The following LRP1B variants were observed in gnomAD, a reference collection of about 807,000 sequenced individuals.
LRP1B encodes the protein low-density lipoprotein receptor-related protein 1B.
In LRP1B, 217 loss-of-function variants were observed where a neutral mutation model predicts 556.6. That is an observed-to-expected ratio of 0.39 (90% CI 0.35 to 0.44). The LOEUF is 0.44. Ranked by LOEUF, LRP1B falls within the 20% of genes least tolerant of loss-of-function variation. The pLI, the probability that LRP1B is intolerant of heterozygous loss-of-function variation, is 1.00. For missense variants in LRP1B, 5,053 were observed against 5,620.8 expected (o/e 0.90, Z 3.23); for synonymous variants, 2,047 against 1,865.8 (o/e 1.10, Z -2.50).
chr2:140,688,592 A>G (rs78962158), intron 41 of LRP1B, among the ~76,000 whole-genome samples: 5,768 of 152,256 alleles, frequency 0.038, 140 homozygotes, highest in Non-Finnish European at 0.056. Flanking sequence ...TCCCCTCCAT[A>G]TATGTTTGCA....
intron 2 of LRP1B, among the ~76,000 whole-genome samples, chr2:141,791,346 T>C (rs1481863927): frequency 1.3e-5 from 2 of 152,010 alleles, no homozygotes; most frequent in Non-Finnish European, 2.9e-5. Flanking sequence ...TTCCAACTTT[T>C]TCAGTGCTCT....
chr2:140,315,233 G>T (rs1000121394), intron 82 of LRP1B, 134 bp from the exon 83 acceptor site: 9 of 561,186 alleles, frequency 1.6e-5, no homozygotes, highest in Admixed American at 3.7e-5. Context: ...TACAAAAGAA[G>T]AAAAAATTAA....
At chr2:140,307,775 A>G (rs2105021282) in intron 83 of LRP1B, among the ~76,000 whole-genome samples, 1 of 151,888 alleles carries the variant, frequency 6.6e-6, no homozygotes, top group African/African-American at 2.4e-5. Flanking sequence ...TTCAGTGATA[A>G]TAAGTAATGT....
intron 32 of LRP1B, among the ~76,000 whole-genome samples, chr2:140,781,887 T>C (rs924802325): frequency 6.6e-6 from 1 of 152,218 alleles, no homozygotes; most frequent in African/African-American, 2.4e-5. Context: ...CTTTTCCTTA[T>C]CGTTTCATTT....
At chr2:141,986,773 A>G (rs930563520) in intron 1 of LRP1B, among the ~76,000 whole-genome samples, 2 of 152,000 alleles carry the variant, frequency 1.3e-5, no homozygotes, top group African/African-American at 2.4e-5. Flanking sequence ...TAGTTCTACA[A>G]AATTCTCCTG....
At chr2:140,580,241 A>C (rs1681707058) in intron 43 of LRP1B, among the ~76,000 whole-genome samples, 1 of 152,210 alleles carries the variant, frequency 6.6e-6, no homozygotes, top group African/African-American at 2.4e-5. Flanking sequence ...ACAGTTCATA[A>C]CAAAAAAGAC....
At chr2:140,398,001 T>A (rs1378862464) in intron 66 of LRP1B, among the ~76,000 whole-genome samples, 3 of 152,166 alleles carry the variant, frequency 2.0e-5, no homozygotes, top group Admixed American at 6.6e-5. Flanking sequence ...CTGATTGACA[T>A]CCTTGAAACT....
At chr2:140,491,949 A>G (rs1688718968) in intron 57 of LRP1B, among the ~76,000 whole-genome samples, 2 of 152,160 alleles carry the variant, frequency 1.3e-5, no homozygotes. Flanking sequence ...ACACTGGTGA[A>G]CTGGAGAGCA....
chr2:140,877,590 C>G (rs1381244545), intron 25 of LRP1B, among the ~76,000 whole-genome samples: 1 of 152,160 alleles, frequency 6.6e-6, no homozygotes, highest in Non-Finnish European at 1.5e-5. Context: ...TGCCTCCCAT[C>G]AGTTCAAAGT....
At chr2:141,964,791 C>A (rs1176323388) in intron 1 of LRP1B, among the ~76,000 whole-genome samples, 1 of 151,936 alleles carries the variant, frequency 6.6e-6, no homozygotes, top group Non-Finnish European at 1.5e-5. Flanking sequence ...AAGAAACTAC[C>A]ATCAGAGTGA....
At chr2:140,888,481 A>C (rs1017254178) in intron 23 of LRP1B, among the ~76,000 whole-genome samples, 1 of 151,382 alleles carries the variant, frequency 6.6e-6, no homozygotes. Flanking sequence ...CCTATGGCAG[A>C]CTTGATTTTA....
chr2:141,114,562 C>A (rs567395478), intron 7 of LRP1B, among the ~76,000 whole-genome samples: 2 of 152,254 alleles, frequency 1.3e-5, no homozygotes, highest in East Asian at 3.9e-4. Flanking sequence ...TCTCTTCTCT[C>A]CTCTGTCATA....
chr2:141,012,975 G>A (rs1697798692), intron 14 of LRP1B, among the ~76,000 whole-genome samples: 1 of 146,636 alleles, frequency 6.8e-6, no homozygotes, highest in South Asian at 2.2e-4. Flanking sequence ...ATGTGTAGAT[G>A]TCCTAATGAG....
At chr2:141,586,060 G>A in intron 2 of LRP1B, among the ~76,000 whole-genome samples, 1 of 152,132 alleles carries the variant, frequency 6.6e-6, no homozygotes, top group East Asian at 1.9e-4. Flanking sequence ...AACATAAAAT[G>A]CATCTTAGGA....
intron 1 of LRP1B, among the ~76,000 whole-genome samples, chr2:141,980,651 C>T (rs1702018026): frequency 6.6e-6 from 1 of 152,108 alleles, no homozygotes; most frequent in Admixed American, 6.6e-5. Context: ...ATCAATAGGA[C>T]AGCACTATCA....
At chr2:141,844,124 T>C (rs1036399) in intron 1 of LRP1B, among the ~76,000 whole-genome samples, 117,737 of 151,976 alleles carry the variant, frequency 0.77, 45,818 homozygotes, top group Middle Eastern at 0.84. Context: ...CCTCATTCTA[T>C]ACATCAGTTA....
At chr2:141,257,104 A>G (rs1177860388) in intron 3 of LRP1B, among the ~76,000 whole-genome samples, 4 of 152,122 alleles carry the variant, frequency 2.6e-5, no homozygotes, top group Non-Finnish European at 4.4e-5. Flanking sequence ...TGTTAAATTC[A>G]TTGAGAAATA....
Position 141,908,371 on chromosome 2 carries a change from G to A in LRP1B, c.83-97970C>T, listed in dbSNP as rs76142737. ...TTAAACCCACTGTATATTTTACTAA[G>A]CAGCAGTCTCTGTTCTGGACATTGA... On this transcript the variant is annotated intron_variant, in intron 1 of 90. Coordinates refer to ENST00000389484, the MANE Select transcript of LRP1B (RefSeq NM_018557.3). Among the ~76,000 whole-genome samples the A allele has an allele frequency of 2.8e-3, 432 of 151,988 alleles. 2 individuals carry two copies. Among genetic ancestry groups the A allele is most frequent in the African/African-American group, 0.01 (418 of 41,464 alleles).
intron 59 of LRP1B, among the ~76,000 whole-genome samples, chr2:140,481,429 G>A (rs78445352): frequency 1.2e-3 from 187 of 152,036 alleles, no homozygotes; most frequent in Non-Finnish European, 1.6e-3. Flanking sequence ...TAGCCAGTTC[G>A]TGGTTAAATG....
Sources: gnomAD v4.1 joint callset for allele counts (sites outside exome capture counted in the v4.1 genomes callset) on GRCh38, gnomAD v4.1.1 for gene constraint, MANE v1.5 for transcripts, NCBI Gene and HGNC (gene_info 2026-07-23, HGNC 2026-07-21) for gene names.